Variants in GLCCI1 observed in about 807,000 individuals in gnomAD.
GLCCI1 encodes the protein glucocorticoid induced 1.
In GLCCI1, 24 loss-of-function variants were observed where a neutral mutation model predicts 52.2. The observed-to-expected ratio is 0.46, with a 90% confidence interval of 0.33 to 0.65. GLCCI1 has a LOEUF of 0.65. GLCCI1 is among the 30% of genes least tolerant of loss of function. GLCCI1 has a pLI of 0.02. For missense variants in GLCCI1, 704 were observed against 701.5 expected (o/e 1.00, Z -0.04); for synonymous variants, 310 against 276.5 (o/e 1.12, Z -1.20).
intron 1 of GLCCI1, among the ~76,000 whole-genome samples, chr7:7,990,770 T>A (rs909753530): frequency 1.8e-4 from 27 of 152,112 alleles, no homozygotes; most frequent in African/African-American, 6.3e-4. Flanking sequence ...CATATTTGAT[T>A]CTTTGGTGTC....
intron 3 of GLCCI1, among the ~76,000 whole-genome samples, chr7:8,042,565 C>T (rs78516653): frequency 0.013 from 2,051 of 152,274 alleles, 41 homozygotes; most frequent in African/African-American, 0.047. Flanking sequence ...ATAATCCCAA[C>T]ACTTTGAGGC....
At chr7:8,015,159 G>A (rs1181787557) in intron 2 of GLCCI1, among the ~76,000 whole-genome samples, 1 of 152,200 alleles carries the variant, frequency 6.6e-6, no homozygotes, top group African/African-American at 2.4e-5. Context: ...CTTTTCTGTT[G>A]ACGTCATATT....
At chr7:8,085,780 A>G (rs1305337956) in intron 7 of GLCCI1, among the ~76,000 whole-genome samples, 1 of 152,160 alleles carries the variant, frequency 6.6e-6, no homozygotes, top group Non-Finnish European at 1.5e-5. Flanking sequence ...GCGGAAGTCT[A>G]TCTAGAAAGA....
At position 8,018,300 on chromosome 7, in the gene GLCCI1, C is replaced by CT. The variant is rs896809419; in HGVS notation, c.610-4180dup. ...TTGTTGATGGATTTTTTTTAAGTGG[C>CT]TTTAGACTTTTGCACATTGACAAAG... On this transcript the variant is annotated intron_variant, in intron 2 of 7. Transcript: ENST00000223145. 2.6e-4 allele frequency among the ~76,000 whole-genome samples: 39 copies of CT among 151,848 alleles called. 1 individual carries two copies. The highest frequency in any genetic ancestry group is 5.8e-4 in the African/African-American group (24 of 41,410).
rs58769447 is a variant in GLCCI1 at position 7,972,342 on chromosome 7, T to TGC, written c.457+2540_457+2541dup. Among the ~76,000 whole-genome samples the TGC allele has an allele frequency of 5.7e-4, 86 of 152,136 alleles. 1 individual carries two copies. Among genetic ancestry groups the TGC allele is most frequent in the Admixed American group, 1.4e-3 (22 of 15,272 alleles). On this transcript the variant is annotated intron_variant, in intron 1 of 7. Coordinates refer to ENST00000223145, the MANE Select transcript of GLCCI1 (RefSeq NM_138426.4). ...CAGTGTATGTGTGTGTGTGTGTGTG[T>TGC]GCGCGCAAGAGGGTGTTAAAACTGC...
intron 3 of GLCCI1, among the ~76,000 whole-genome samples, chr7:8,042,520 A>C (rs1270278469): frequency 3.3e-5 from 5 of 152,248 alleles, no homozygotes. Flanking sequence ...TAGAATTAGA[A>C]GTGGAACATG....
rs1456928018 is a variant in GLCCI1 at position 7,969,405 on chromosome 7, C to T, written c.55C>T (p.Pro19Ser). 2 of 1,420,300 alleles carry T rather than the reference C, an allele frequency of 1.4e-6. No individual in the cohort carries two copies. Among genetic ancestry groups the T allele is most frequent in the Admixed American group, 2.4e-5 (1 of 41,204 alleles). 88.0% of individuals were successfully genotyped at this position (1,420,300 alleles called of 1,614,324 possible). The change falls in exon 1 of 8, where the codon CCG becomes TCG. Residue 19 changes from proline to serine, a missense_variant. Coordinates refer to ENST00000223145, the MANE Select transcript of GLCCI1 (RefSeq NM_138426.4). This position sits in a 1 kb window ranked among gnomAD's most constrained non-coding sequence, Gnocchi z 4.9. The part of the protein sequence containing the change: ...SSSSSQTPHP[P>S]SQRMRRSAAG... Reference sequence around the variant, plus strand: ...CAGTTCCTCTCAGACCCCTCATCCCCCGTCGCAGAGGATGAGGCGCAGCGC... The same window carrying T: ...CAGTTCCTCTCAGACCCCTCATCCCTCGTCGCAGAGGATGAGGCGCAGCGC...
intron 3 of GLCCI1, among the ~76,000 whole-genome samples, chr7:8,028,532 C>G (rs1781677871): frequency 1.3e-5 from 2 of 151,804 alleles, no homozygotes; most frequent in South Asian, 2.1e-4. Flanking sequence ...AATAAATAAC[C>G]TAACAATGCA....
At chr7:7,995,681 C>T (rs951236589) in intron 1 of GLCCI1, among the ~76,000 whole-genome samples, 1 of 152,092 alleles carries the variant, frequency 6.6e-6, no homozygotes, top group Non-Finnish European at 1.5e-5. Context: ...TGTTCTCACT[C>T]ATAGGTGGGA....
At chr7:8,038,532 T>C (rs1036976538) in intron 3 of GLCCI1, among the ~76,000 whole-genome samples, 3 of 152,190 alleles carry the variant, frequency 2.0e-5, no homozygotes, top group Admixed American at 2.0e-4. Context: ...TAAATGGTCC[T>C]GGGAAAATTG....
intron 3 of GLCCI1, among the ~76,000 whole-genome samples, chr7:8,023,779 A>G (rs1009269371): frequency 2.6e-5 from 4 of 151,244 alleles, no homozygotes; most frequent in Non-Finnish European, 4.4e-5. Context: ...TTGTATTTTT[A>G]GTAGAGATGG....
intron 3 of GLCCI1, among the ~76,000 whole-genome samples, chr7:8,045,184 G>A (rs1252445812): frequency 3.3e-5 from 5 of 152,332 alleles, no homozygotes; most frequent in East Asian, 1.9e-4. Flanking sequence ...CGGTTCCAGT[G>A]TAGGGTCATG....
intron 4 of GLCCI1, among the ~76,000 whole-genome samples, chr7:8,057,674 A>C (rs1453693189): frequency 2.6e-5 from 4 of 152,180 alleles, no homozygotes; most frequent in Non-Finnish European, 5.9e-5. Flanking sequence ...GCTGTAAAAC[A>C]AACTGGCAAG....
chr7:8,029,983 A>G (rs1206103870), intron 3 of GLCCI1, among the ~76,000 whole-genome samples: 3 of 152,148 alleles, frequency 2.0e-5, no homozygotes, highest in East Asian at 3.8e-4. Context: ...ACCCAAAGCA[A>G]TCTTAGATTC....
At chr7:8,004,255 C>A in intron 2 of GLCCI1, 196 bp downstream of exon 2, 1 of 516,730 alleles carries the variant, frequency 1.9e-6, no homozygotes, top group Non-Finnish European at 3.4e-6. Flanking sequence ...TTTTGAAATT[C>A]TTTAATACTT....
At chr7:8,078,671 A>C (rs1782925308) in intron 6 of GLCCI1, 1 of 152,066 alleles carries the variant, frequency 6.6e-6, no homozygotes, top group East Asian at 1.9e-4. Flanking sequence ...ATGAGGAGAC[A>C]TAGCAAGGTC....
intron 1 of GLCCI1, among the ~76,000 whole-genome samples, chr7:7,994,444 G>C (rs1321938399): frequency 6.6e-6 from 1 of 152,154 alleles, no homozygotes; most frequent in African/African-American, 2.4e-5. Context: ...TGGAGAGTGG[G>C]AAGTACAGTA....
chr7:8,001,667 G>A (rs1442918905), intron 1 of GLCCI1, among the ~76,000 whole-genome samples: 1 of 152,066 alleles, frequency 6.6e-6, no homozygotes, highest in African/African-American at 2.4e-5. Flanking sequence ...TGTTTATTGC[G>A]GCACTATTCA....
chr7:8,026,154 A>G (rs998941180), intron 3 of GLCCI1, among the ~76,000 whole-genome samples: 24 of 152,334 alleles, frequency 1.6e-4, no homozygotes, highest in African/African-American at 5.5e-4. Flanking sequence ...CATAAATTAT[A>G]GTTTCTATTT....
Sources: allele counts gnomAD v4.1 joint callset (sites outside exome capture counted in the v4.1 genomes callset), GRCh38; gene constraint gnomAD v4.1.1; non-coding constraint Gnocchi (gnomAD v3.1); transcripts MANE v1.5; gene names NCBI Gene and HGNC (gene_info 2026-07-23, HGNC 2026-07-21).